The following DAO variants were observed in gnomAD, a reference collection of about 807,000 sequenced individuals.
DAO encodes D-amino-acid oxidase.
Under a neutral mutation model 50.1 loss-of-function variants are expected in DAO, and 51 were observed. That is an observed-to-expected ratio of 1.02 (90% CI 0.81 to 1.29). The LOEUF is 1.29. Among genes scored for constraint, DAO ranks in the 50% most tolerant of loss-of-function variants. DAO has a pLI of 0.00. For missense variants in DAO, 436 were observed against 439.4 expected (o/e 0.99, Z 0.07); for synonymous variants, 160 against 166.2 (o/e 0.96, Z 0.29).
chr12:108,893,030 TGAG>T lies in DAO; in HGVS notation c.506_507+1del. 1 of 1,613,830 alleles carries T rather than the reference TGAG, an allele frequency of 6.2e-7. No individual in the cohort carries two copies. The highest frequency in any genetic ancestry group is 1.3e-5 in the African/African-American group (1 of 75,020). Reference sequence around the variant, plus strand: ...TCTTCCAGCGGAAAGTGGAGTCTTTTGAGGAGGTGAGTTGCAGGGCTGATGCGG... The same window carrying T: ...TCTTCCAGCGGAAAGTGGAGTCTTTTGAGGTGAGTTGCAGGGCTGATGCGG... On this transcript the variant is annotated inframe_deletion, in exon 6 of 11. Coordinates refer to ENST00000228476, the MANE Select transcript of DAO (RefSeq NM_001917.5).
chr12:108,888,645 T>C (rs1374928932), intron 3 of DAO, among the ~76,000 whole-genome samples: 3 of 152,100 alleles, frequency 2.0e-5, no homozygotes, highest in African/African-American at 7.2e-5. Flanking sequence ...AGAGTGATTA[T>C]TAACTCCATG....
At chr12:108,891,132 A>AT (rs1202274659) in intron 5 of DAO, among the ~76,000 whole-genome samples, 6 of 151,968 alleles carry the variant, frequency 3.9e-5, no homozygotes, top group African/African-American at 9.7e-5. Context: ...GATTCCATAC[A>AT]TTTTTTATAT....
chr12:108,883,733 C>A (rs193016885), intron 1 of DAO: 6 of 421,778 alleles, frequency 1.4e-5, no homozygotes, highest in South Asian at 8.1e-5. Context: ...CCCCAGTATC[C>A]AAGCTCGGGC....
chr12:108,898,486 G>A, intron 8 of DAO, 193 bp from the exon 9 acceptor site: 2 of 642,726 alleles, frequency 3.1e-6, no homozygotes, highest in East Asian at 5.5e-5. Context: ...AGACAATGTT[G>A]TTGATGGAGA....
chr12:108,897,534 T>C (rs1373025502), intron 8 of DAO, among the ~76,000 whole-genome samples: 2 of 151,882 alleles, frequency 1.3e-5, no homozygotes, highest in Admixed American at 6.6e-5. Context: ...ATGTTTTTAG[T>C]GAGTTTGAGC....
At chr12:108,897,195 T>C in intron 8 of DAO, 107 bp downstream of exon 8, 1 of 783,110 alleles carries the variant, frequency 1.3e-6, no homozygotes, top group Non-Finnish European at 2.3e-6. Flanking sequence ...TCCCTTTCAA[T>C]GTTTTTATGT....
In DAO at chr12:108,894,260, C is replaced by T. The variant is rs2039522547; in HGVS notation, c.508-3C>T. Reference sequence around the variant, plus strand: ...CCCCCACTACCCTGTTGGTTGCTACCAGGTGGCAAGAGAAGGCGCAGACGT... The same window carrying T: ...CCCCCACTACCCTGTTGGTTGCTACTAGGTGGCAAGAGAAGGCGCAGACGT... On this transcript the variant is annotated splice_region_variant and splice_polypyrimidine_tract_variant and intron_variant, in intron 6 of 10. Coordinates refer to ENST00000228476, the MANE Select transcript of DAO (RefSeq NM_001917.5). The T allele has an allele frequency of 1.2e-6, 2 of 1,612,886 alleles. No homozygotes were observed. The highest frequency in any genetic ancestry group is 1.6e-4 in the Middle Eastern group (1 of 6,076).
rs1263209443 is a variant in DAO at position 108,900,563 on chromosome 12, A to C, written c.*28A>C. The stretch of plus-strand genomic sequence containing the variant: ...ACTCCAGTGACTGCTGCCTCCCCCC[A>C]CAAGAACTCCCTTCTCCCCTCAGCC... On this transcript the variant is annotated 3_prime_UTR_variant, in exon 11 of 11. Transcript: ENST00000228476. 3 of 1,612,610 alleles carry C rather than the reference A, an allele frequency of 1.9e-6. No individual in the cohort carries two copies. The highest frequency in any genetic ancestry group is 1.6e-4 in the Middle Eastern group (1 of 6,076).
Position 108,900,647 on chromosome 12 carries a change from A to C in DAO, c.*112A>C, listed in dbSNP as rs2039612971. The C allele has an allele frequency of 6.7e-7, 1 of 1,499,668 alleles. No homozygotes were observed. 92.9% of individuals were successfully genotyped at this position (1,499,668 alleles called of 1,614,324 possible). A position where few individuals can be genotyped will look rare whatever the true frequency, so the allele number is the denominator to read the frequency against. ...TTCTCCCTCACTTCTTTCCTCAAAG[A>C]AGCATGAGGTGAGAGAAAGCCACAA... On this transcript the variant is annotated 3_prime_UTR_variant, in exon 11 of 11. Transcript: ENST00000228476.
In DAO at chr12:108,890,423, C is replaced by T. The variant is rs1172469590; in HGVS notation, c.452+150C>T. On this transcript the variant is annotated intron_variant, in intron 5 of 10. Transcript: ENST00000228476. ...TGTGGGAGCTATCCTTGGTCCTGATCACCGCTGGGCACAGAGGCAATGGAT... is the reference window on the plus strand; with the variant it reads ...TGTGGGAGCTATCCTTGGTCCTGATTACCGCTGGGCACAGAGGCAATGGAT... The T allele has an allele frequency of 1.3e-5, 9 of 681,062 alleles. No individual in the cohort carries two copies. The African/African-American group carries it at 1.6e-4, about 12-fold the overall frequency. The allele number at this position is 681,062 out of a possible 1,614,324, so 42.2% of individuals were successfully genotyped here.
chr12:108,900,393 G>A lies in DAO; in HGVS notation c.913-11G>A. The A allele has an allele frequency of 6.2e-7, 1 of 1,613,706 alleles. No individual in the cohort carries two copies. Among genetic ancestry groups the A allele is most frequent in the Non-Finnish European group, 8.5e-7 (1 of 1,179,818 alleles). Reference sequence around the variant, plus strand: ...CTCGGACCTGGCCACCTTCTCTCTTGCCTCTCCTAGGTCATCCACAACTAT... The same window carrying A: ...CTCGGACCTGGCCACCTTCTCTCTTACCTCTCCTAGGTCATCCACAACTAT... On this transcript the variant is annotated splice_polypyrimidine_tract_variant and intron_variant, in intron 10 of 10. Coordinates refer to ENST00000228476, the MANE Select transcript of DAO (RefSeq NM_001917.5).
chr12:108,892,159 C>CTTTTTTTTT (rs11356161), intron 5 of DAO, among the ~76,000 whole-genome samples: 1 of 108,990 alleles, frequency 9.2e-6, no homozygotes, highest in Non-Finnish European at 1.8e-5. Context: ...TTTCTTTCTT[C>CTTTTTTTTT]TTTTTTTTTT....
At position 108,900,915 on chromosome 12, in the gene DAO, T is replaced by G. The variant is rs937103625; in HGVS notation, c.*380T>G. ...CTAACATATTAAAGGTTCTGAAAAG[T>G]CCTGCAGCAAAGACAACTATCTGAT... On this transcript the variant is annotated 3_prime_UTR_variant, in exon 11 of 11. Coordinates refer to ENST00000228476, the MANE Select transcript of DAO (RefSeq NM_001917.5). 7.3e-6 allele frequency: 2 copies of G among 275,014 alleles called. No individual in the cohort carries two copies. The highest frequency in any genetic ancestry group is 1.3e-3 in the Middle Eastern group (1 of 794). The allele number at this position is 275,014 out of a possible 1,614,324, so 17.0% of individuals were successfully genotyped here. A position where few individuals can be genotyped will look rare whatever the true frequency, so the allele number is the denominator to read the frequency against.
At position 108,890,288 on chromosome 12, in the gene DAO, T is replaced by C. The variant is rs764535514; in HGVS notation, c.452+15T>C. ...CTGACTGAAAGGTGAGATTTTAAGC[T>C]TCACTTTGAGGGAGGTACCTCCCAG... is the stretch of plus-strand genomic sequence containing the variant. On this transcript the variant is annotated intron_variant, in intron 5 of 10. Coordinates refer to ENST00000228476, the MANE Select transcript of DAO (RefSeq NM_001917.5). The C allele has an allele frequency of 1.2e-6, 2 of 1,609,376 alleles. No individual in the cohort carries two copies. The highest frequency in any genetic ancestry group is 1.7e-6 in the Non-Finnish European group (2 of 1,175,730).
intron 1 of DAO, chr12:108,880,497 G>A (rs1328250195): frequency 4.0e-6 from 1 of 252,260 alleles, no homozygotes; most frequent in Non-Finnish European, 7.9e-6. Context: ...GGTGGTGCAT[G>A]TAAAGTGCTT....
intron 8 of DAO, among the ~76,000 whole-genome samples, chr12:108,897,808 G>A (rs139387717): frequency 0.013 from 1,959 of 152,190 alleles, 39 homozygotes; most frequent in African/African-American, 0.044. Flanking sequence ...TTAGCCGGGC[G>A]TGATGGTGTA....
intron 1 of DAO, chr12:108,883,489 A>G (rs1386104895): frequency 2.7e-6 from 1 of 376,478 alleles, no homozygotes; most frequent in African/African-American, 2.1e-5. Context: ...GTTCTATGTG[A>G]TTTTTCAAAA....
chr12:108,896,444 T>TAAAAAAAAAAAAAAAA (rs2039558339), intron 7 of DAO, among the ~76,000 whole-genome samples: 14 of 119,712 alleles, frequency 1.2e-4, no homozygotes, highest in African/African-American at 4.7e-4. Context: ...AAAAAAAAAT[T>TAAAAAAAAAAAAAAAA]GAAGGTTTGA....
intron 7 of DAO, 132 bp from the exon 8 acceptor site, chr12:108,896,874 C>T: frequency 2.7e-6 from 2 of 739,722 alleles, no homozygotes; most frequent in Non-Finnish European, 4.9e-6. Flanking sequence ...AGACTTGGGC[C>T]ATAGTGTCAT....
Sources: gnomAD v4.1 joint callset for allele counts (sites outside exome capture counted in the v4.1 genomes callset) on GRCh38, gnomAD v4.1.1 for gene constraint, MANE v1.5 for transcripts, NCBI Gene and HGNC (gene_info 2026-07-23, HGNC 2026-07-21) for gene names.